Variants in SNTG2 observed in about 807,000 individuals in gnomAD.
SNTG2 encodes the protein syntrophin gamma 2, also known as gamma-2-syntrophin.
A neutral mutation model predicts 70.9 loss-of-function variants in SNTG2; 74 were observed. The observed-to-expected ratio is 1.04, with a 90% CI of 0.86 to 1.27. The LOEUF is 1.27. Among genes scored for constraint, SNTG2 ranks in the 50% most tolerant of loss-of-function variants. The pLI, the probability that SNTG2 is intolerant of heterozygous loss-of-function variation, is 0.00. For synonymous variants in SNTG2, 278 were observed against 273.8 expected, an observed-to-expected ratio of 1.02 and a Z score of -0.15; for missense variants, 717 against 690.7, an observed-to-expected ratio of 1.04 and a Z score of -0.43.
intron 4 of SNTG2, among the ~76,000 whole-genome samples, chr2:1,126,795 T>C (rs145182991): frequency 6.6e-6 from 1 of 152,322 alleles, no homozygotes; most frequent in African/African-American, 2.4e-5. Flanking sequence ...TCAGCTGATA[T>C]GCATACTTTT....
chr2:1,289,310 G>A (rs745660346), intron 14 of SNTG2, among the ~76,000 whole-genome samples: 6 of 151,942 alleles, frequency 3.9e-5, no homozygotes, highest in South Asian at 2.1e-4. Flanking sequence ...TTCTGCCGCC[G>A]CCCTTCCCTC....
Position 1,222,027 on chromosome 2 carries a change from GCCTATCTCTGTCTCTCTCTGTCTC to G in SNTG2, c.719+12798_719+12821del, listed in dbSNP as rs1558552899. On this transcript the variant is annotated intron_variant, in intron 9 of 16. Transcript: ENST00000308624. Reference sequence around the variant, plus strand: ...TCTCTCTCTGTCTCTCTCTGTCTCTGCCTATCTCTGTCTCTCTCTGTCTCTCTCTGTCTCTGTTTCTCTCTGTCT... The same window carrying G: ...TCTCTCTCTGTCTCTCTCTGTCTCTGTCTCTGTCTCTGTTTCTCTCTGTCT... Among the ~76,000 whole-genome samples the G allele has an allele frequency of 5.0e-3, 30 of 5,988 alleles. 8 individuals are homozygous for G. The highest frequency in any genetic ancestry group is 0.012 in the Admixed American group (4 of 338). The allele number at this position is 5,988 out of a possible 152,430, so 3.9% of individuals were successfully genotyped here. A position where few individuals can be genotyped will look rare whatever the true frequency, so the allele number is the denominator to read the frequency against.
rs1025203727 is a variant in SNTG2 at position 1,049,310 on chromosome 2, C to T, written c.73-34208C>T. 7.2e-5 allele frequency among the ~76,000 whole-genome samples: 11 copies of T among 152,282 alleles called. No individual in the cohort carries two copies. In the East Asian group the frequency reaches 1.7e-3, roughly 24 times the overall value. ...ACTGCCCTAAAATTCCTCTGTGCTC[C>T]ACCTGCCCATTCTTCCCTCCCTCTC... On this transcript the variant is annotated intron_variant, in intron 1 of 16. Transcript: ENST00000308624.
intron 11 of SNTG2, among the ~76,000 whole-genome samples, chr2:1,242,936 ACTT>A (rs1406529618): frequency 6.6e-6 from 1 of 152,250 alleles, no homozygotes; most frequent in African/African-American, 2.4e-5. Flanking sequence ...TATAATACAC[ACTT>A]CTTGGAATGT....
intron 9 of SNTG2, among the ~76,000 whole-genome samples, chr2:1,221,847 GTCTCTGTCTCTGTCTCTGTCTCTC>G (rs1674969182): frequency 1.7e-4 from 1 of 5,872 alleles, no homozygotes; most frequent in South Asian, 7.0e-3. Context: ...CTCTGTCTCT[GTCTCTGTCTCTGTCTCTGTCTCTC>G]TCTCTCTCTG....
rs116450253 is a variant in SNTG2 at position 1,115,614 on chromosome 2, C to T, written c.325+17204C>T. Among the ~76,000 whole-genome samples, 873 of 147,870 alleles carry T rather than the reference C, an allele frequency of 5.9e-3. 6 individuals carry two copies. The highest frequency in any genetic ancestry group is 0.021 in the African/African-American group (817 of 39,750). Reference sequence around the variant, plus strand: ...TCCCTTACTGTCCTTTGAGAAGAATCGTATGTACTAAGTGAGGTTTAACCC... The same window carrying T: ...TCCCTTACTGTCCTTTGAGAAGAATTGTATGTACTAAGTGAGGTTTAACCC... On this transcript the variant is annotated intron_variant, in intron 4 of 16. Coordinates refer to ENST00000308624, the MANE Select transcript of SNTG2 (RefSeq NM_018968.4).
At chr2:1,080,875 C>T (rs1215014914) in intron 1 of SNTG2, among the ~76,000 whole-genome samples, 2 of 152,014 alleles carry the variant, frequency 1.3e-5, no homozygotes, top group Non-Finnish European at 2.9e-5. Flanking sequence ...TTTTGGGTGG[C>T]CTAGGTCAAC....
At chr2:1,270,765 G>A (rs919793513) in intron 14 of SNTG2, among the ~76,000 whole-genome samples, 6 of 152,204 alleles carry the variant, frequency 3.9e-5, no homozygotes, top group Non-Finnish European at 5.9e-5. Context: ...TGTTTTGCTT[G>A]TTTTGCTAGT....
At chr2:1,319,387 AC>A in intron 16 of SNTG2, among the ~76,000 whole-genome samples, 1 of 152,226 alleles carries the variant, frequency 6.6e-6, no homozygotes. Flanking sequence ...AAATACAGCA[AC>A]CTAGCTACAC....
chr2:1,144,835 G>C lies in SNTG2; in HGVS notation c.411+7026G>C, dbSNP rs554789514. ...GGAGCTACAATCCAAGATGAGATTT[G>C]GGTGGGGACACAGCCAAACCATATC... is the stretch of plus-strand genomic sequence containing the variant. On this transcript the variant is annotated intron_variant, in intron 6 of 16. Transcript: ENST00000308624. 6.6e-5 allele frequency among the ~76,000 whole-genome samples: 10 copies of C among 152,266 alleles called. No individual in the cohort carries two copies. In the East Asian group the frequency reaches 1.9e-3, roughly 29 times the overall value.
intron 1 of SNTG2, among the ~76,000 whole-genome samples, chr2:973,540 A>ATT (rs112608538): frequency 2.2e-5 from 3 of 133,782 alleles, no homozygotes; most frequent in African/African-American, 8.7e-5. Flanking sequence ...ATATATATAT[A>ATT]TTTTTTTTTA....
At position 1,054,193 on chromosome 2, in the gene SNTG2, G is replaced by A. The variant is rs557683840; in HGVS notation, c.73-29325G>A. Reference sequence around the variant, plus strand: ...TTGGTTGTTTCCCGTGGTGCGGCTCGGGGGTGTTCTGCCACCTTGTCAGGT... The same window carrying A: ...TTGGTTGTTTCCCGTGGTGCGGCTCAGGGGTGTTCTGCCACCTTGTCAGGT... On this transcript the variant is annotated intron_variant, in intron 1 of 16. Coordinates refer to ENST00000308624, the MANE Select transcript of SNTG2 (RefSeq NM_018968.4). Among the ~76,000 whole-genome samples the A allele has an allele frequency of 6.6e-5, 10 of 152,108 alleles. No individual in the cohort carries two copies. The South Asian group carries it at 1.0e-3, about 16-fold the overall frequency.
chr2:958,369 C>T (rs991505187), intron 1 of SNTG2, among the ~76,000 whole-genome samples: 1 of 152,120 alleles, frequency 6.6e-6, no homozygotes, highest in Non-Finnish European at 1.5e-5. Context: ...GTTCATAAGT[C>T]GAGTAGATGG....
At chr2:1,019,473 A>G (rs1289506863) in intron 1 of SNTG2, among the ~76,000 whole-genome samples, 1 of 152,042 alleles carries the variant, frequency 6.6e-6, no homozygotes, top group African/African-American at 2.4e-5. Flanking sequence ...TGTGCTGGGA[A>G]TGTGGAGGGA....
rs375877884 is a variant in SNTG2 at position 1,278,944 on chromosome 2, C to T, written c.1284+11373C>T. Among the ~76,000 whole-genome samples, 14 of 150,606 alleles carry T rather than the reference C, an allele frequency of 9.3e-5. No homozygotes were observed. In the South Asian group the frequency reaches 2.5e-3, roughly 27 times the overall value. On this transcript the variant is annotated intron_variant, in intron 14 of 16. Transcript: ENST00000308624. ...GACGCGAATCACCCCTGTCAGTGCGCGAATCACCCCTGTCAGTGCATAACA... is the reference window on the plus strand; with the variant it reads ...GACGCGAATCACCCCTGTCAGTGCGTGAATCACCCCTGTCAGTGCATAACA...
At chr2:1,018,844 C>T (rs909969248) in intron 1 of SNTG2, among the ~76,000 whole-genome samples, 14 of 152,196 alleles carry the variant, frequency 9.2e-5, no homozygotes, top group African/African-American at 3.4e-4. Context: ...ACATTACAGC[C>T]CCTGTTGGCT....
At chr2:1,053,340 TG>T (rs748423172) in intron 1 of SNTG2, among the ~76,000 whole-genome samples, 11 of 152,168 alleles carry the variant, frequency 7.2e-5, no homozygotes, top group South Asian at 4.1e-4. Flanking sequence ...AAAGTTATTT[TG>T]GCAAAAATAT....
intron 13 of SNTG2, among the ~76,000 whole-genome samples, chr2:1,265,627 G>C (rs925857961): frequency 1.3e-5 from 2 of 152,218 alleles, no homozygotes; most frequent in Non-Finnish European, 2.9e-5. Context: ...TCAAACCTGT[G>C]CCTAGAGTGC....
At chr2:1,011,259 G>A (rs572741586) in intron 1 of SNTG2, among the ~76,000 whole-genome samples, 8 of 152,330 alleles carry the variant, frequency 5.3e-5, no homozygotes, top group South Asian at 2.1e-4. Context: ...ACACACTTGC[G>A]TCTGAGCACT....
Sources: allele counts gnomAD v4.1 joint callset (sites outside exome capture counted in the v4.1 genomes callset), GRCh38; gene constraint gnomAD v4.1.1; transcripts MANE v1.5; gene names NCBI Gene and HGNC (gene_info 2026-07-23, HGNC 2026-07-21).